The following WNT9A variants were observed in gnomAD, a reference collection of about 807,000 sequenced individuals.
The protein encoded by WNT9A is Wnt family member 9A.
In WNT9A, 8 loss-of-function variants were observed where a neutral mutation model predicts 31.4. The ratio of observed to expected loss-of-function variants is 0.26; its 90% CI spans 0.15 to 0.46. The LOEUF is 0.46. WNT9A is among the 20% of genes least tolerant of loss of function. The pLI, the probability that WNT9A is intolerant of heterozygous loss-of-function variation, is 0.99. For synonymous variants in WNT9A, 236 were observed against 220.1 expected, an observed-to-expected ratio of 1.07 and a Z score of -0.64; for missense variants, 457 against 522.9, an observed-to-expected ratio of 0.87 and a Z score of 1.23.
chr1:227,937,391 A>G lies in WNT9A; in HGVS notation c.95+10402T>C, dbSNP rs1037702101. Among the ~76,000 whole-genome samples, 16 of 152,364 alleles carry G rather than the reference A, an allele frequency of 1.1e-4. No individual in the cohort carries two copies. In the East Asian group the frequency reaches 2.5e-3, roughly 24 times the overall value. On this transcript the variant is annotated intron_variant, in intron 1 of 3. Transcript: ENST00000272164. Reference sequence around the variant, plus strand: ...TGGCAGAAACAAGTTGAAGGAGAGGATAAAGGTACTACAGTAGGTGGAATG... The same window carrying G: ...TGGCAGAAACAAGTTGAAGGAGAGGGTAAAGGTACTACAGTAGGTGGAATG...
At chr1:227,923,473 A>G (rs1392118724) in intron 3 of WNT9A, among the ~76,000 whole-genome samples, 11 of 152,196 alleles carry the variant, frequency 7.2e-5, no homozygotes, top group Admixed American at 7.2e-4. Flanking sequence ...GGTAGCATGA[A>G]GGATGACCAG....
At chr1:227,945,720 C>T (rs1018247259) in intron 1 of WNT9A, among the ~76,000 whole-genome samples, 2 of 152,034 alleles carry the variant, frequency 1.3e-5, no homozygotes, top group African/African-American at 4.8e-5. Flanking sequence ...GCCTTTAATG[C>T]CCTGGGCCAC....
At chr1:227,945,846 G>A (rs1053955766) in intron 1 of WNT9A, among the ~76,000 whole-genome samples, 1 of 152,054 alleles carries the variant, frequency 6.6e-6, no homozygotes, top group Non-Finnish European at 1.5e-5. Context: ...TGACTTACAG[G>A]GGGCCCAAGG....
rs528157169 is a variant in WNT9A at position 227,926,332 on chromosome 1, C to A, written c.96-813G>T. 1.3e-5 allele frequency among the ~76,000 whole-genome samples: 2 copies of A among 152,072 alleles called. No individual in the cohort carries two copies. Among genetic ancestry groups the A allele is most frequent in the Non-Finnish European group, 2.9e-5 (2 of 68,012 alleles). ...CCCAACCTCAACTGCTCCAGGAACC[C>A]GGCTCCACCCCACTGGGTGCCCCCT... On this transcript the variant is annotated intron_variant, in intron 1 of 3. Coordinates refer to ENST00000272164, the MANE Select transcript of WNT9A (RefSeq NM_003395.4). The surrounding 1 kb of genome is among the most constrained non-coding windows in gnomAD (Gnocchi z 5.0).
At chr1:227,941,384 G>A (rs1182668891) in intron 1 of WNT9A, among the ~76,000 whole-genome samples, 2 of 151,944 alleles carry the variant, frequency 1.3e-5, no homozygotes, top group Admixed American at 1.3e-4. Context: ...TGATCCCAGA[G>A]TTGAGCGACC....
At position 227,942,660 on chromosome 1, in the gene WNT9A, C is replaced by CT. The variant is rs1666726916; in HGVS notation, c.95+5132dup. ...ACAAGGCAGCTCCCTGGCCCCTTTCCTCCCTGCCCTTCTGGCCCTCCAGAG... is the reference window on the plus strand; with the variant it reads ...ACAAGGCAGCTCCCTGGCCCCTTTCCTTCCCTGCCCTTCTGGCCCTCCAGAG... On this transcript the variant is annotated intron_variant, in intron 1 of 3. Coordinates refer to ENST00000272164, the MANE Select transcript of WNT9A (RefSeq NM_003395.4). The surrounding 1 kb of genome is among the most constrained non-coding windows in gnomAD (Gnocchi z 5.7). 6.6e-6 allele frequency among the ~76,000 whole-genome samples: 1 copy of CT among 152,184 alleles called. No individual in the cohort carries two copies. Among genetic ancestry groups the CT allele is most frequent in the South Asian group, 2.1e-4 (1 of 4,836 alleles).
In WNT9A at chr1:227,918,714, G is replaced by A. The variant is rs1285712667; in HGVS notation, c.*2804C>T. On this transcript the variant is annotated 3_prime_UTR_variant, in exon 4 of 4. Coordinates refer to ENST00000272164, the MANE Select transcript of WNT9A (RefSeq NM_003395.4). ...TTTGTTTCTGGTTCTGTGACACAAA[G>A]CTGTTAAATAAATACATTCTCCACA... 1 of 152,264 alleles carries A rather than the reference G, an allele frequency of 6.6e-6. No individual in the cohort carries two copies. Among genetic ancestry groups the A allele is most frequent in the Non-Finnish European group, 1.5e-5 (1 of 68,064 alleles). 9.4% of individuals were successfully genotyped at this position (152,264 alleles called of 1,614,324 possible).
chr1:227,943,529 C>G (rs565750083), intron 1 of WNT9A, among the ~76,000 whole-genome samples: 58 of 152,306 alleles, frequency 3.8e-4, no homozygotes, highest in African/African-American at 1.2e-3. Context: ...CAGTCAGAGC[C>G]CCACAAGGTG....
In WNT9A at chr1:227,919,174, T is replaced by C. The variant is rs1666263392; in HGVS notation, c.*2344A>G. The C allele has an allele frequency of 1.3e-5, 2 of 152,248 alleles. No homozygotes were observed. The highest frequency in any genetic ancestry group is 4.8e-5 in the African/African-American group (2 of 41,460). 9.4% of individuals were successfully genotyped at this position (152,248 alleles called of 1,614,324 possible). A position where few individuals can be genotyped will look rare whatever the true frequency, so the allele number is the denominator to read the frequency against. On this transcript the variant is annotated 3_prime_UTR_variant, in exon 4 of 4. Coordinates refer to ENST00000272164, the MANE Select transcript of WNT9A (RefSeq NM_003395.4). ...CCTTCCTCTGACTTGACGCCCTTCA[T>C]AGACCCAATAGTGACTGAGTGACAG...
At chr1:227,929,341 A>G (rs1191816954) in intron 1 of WNT9A, among the ~76,000 whole-genome samples, 1 of 152,264 alleles carries the variant, frequency 6.6e-6, no homozygotes, top group Non-Finnish European at 1.5e-5. Context: ...GAATATCGTC[A>G]AGGACACGGG....
intron 1 of WNT9A, among the ~76,000 whole-genome samples, chr1:227,941,076 C>T (rs1329309232): frequency 6.6e-6 from 1 of 152,274 alleles, no homozygotes; most frequent in Admixed American, 6.5e-5. Flanking sequence ...CGTCCACACA[C>T]GGGAAGGTGC....
chr1:227,933,238 C>T (rs528869845), intron 1 of WNT9A, among the ~76,000 whole-genome samples: 4 of 152,314 alleles, frequency 2.6e-5, no homozygotes, highest in East Asian at 1.9e-4. Flanking sequence ...TTACAGAGAC[C>T]GCTTCTTTCC....
chr1:227,923,335 A>G (rs1666357946), intron 3 of WNT9A, among the ~76,000 whole-genome samples: 1 of 152,138 alleles, frequency 6.6e-6, no homozygotes, highest in Non-Finnish European at 1.5e-5. Flanking sequence ...TCAGCTTCCA[A>G]TAGAGGTGTC....
At chr1:227,934,630 G>A (rs1666560372) in intron 1 of WNT9A, among the ~76,000 whole-genome samples, 1 of 152,092 alleles carries the variant, frequency 6.6e-6, no homozygotes, top group African/African-American at 2.4e-5. Flanking sequence ...TTGGCCTGTA[G>A]TTCTCTCTCT....
intron 3 of WNT9A, among the ~76,000 whole-genome samples, chr1:227,922,304 G>A (rs987999607): frequency 6.6e-6 from 1 of 152,204 alleles, no homozygotes; most frequent in African/African-American, 2.4e-5. Flanking sequence ...CCTGCGTCAG[G>A]GGCTGCCCTC....
In WNT9A at chr1:227,928,418, TGA is replaced by T. The variant is rs917862354; in HGVS notation, c.96-2901_96-2900del. The stretch of plus-strand genomic sequence containing the variant: ...AGCCTAGCAGTGGCAAGGGATGGCC[TGA>T]GGCCCAAAGGCTACGCCCTTCCCTG... On this transcript the variant is annotated intron_variant, in intron 1 of 3. Transcript: ENST00000272164. The surrounding 1 kb of genome is among the most constrained non-coding windows in gnomAD (Gnocchi z 4.5). 1.3e-4 allele frequency among the ~76,000 whole-genome samples: 20 copies of T among 152,274 alleles called. No individual in the cohort carries two copies. The highest frequency in any genetic ancestry group is 2.1e-4 in the Non-Finnish European group (14 of 67,992).
chr1:227,945,927 G>T (rs1416320469), intron 1 of WNT9A, among the ~76,000 whole-genome samples: 1 of 152,176 alleles, frequency 6.6e-6, no homozygotes, highest in East Asian at 1.9e-4. Context: ...GTTCAGGAAG[G>T]TGCTCATTCT....
Position 227,925,654 on chromosome 1 carries a change from G to A in WNT9A, c.96-135C>T, listed in dbSNP as rs1211374925. ...AGGGGGCAGAAAGAATCCAGGATGA[G>A]CCAGGCAGGGGAGAGGGAGGCGAGA... On this transcript the variant is annotated intron_variant, in intron 1 of 3. Transcript: ENST00000272164. The surrounding 1 kb of genome is among the most constrained non-coding windows in gnomAD (Gnocchi z 6.0). The A allele has an allele frequency of 1.2e-5, 16 of 1,348,402 alleles. No individual in the cohort carries two copies. In the East Asian group the frequency reaches 3.9e-4, roughly 33 times the overall value. 83.5% of individuals were successfully genotyped at this position (1,348,402 alleles called of 1,614,324 possible).
intron 1 of WNT9A, among the ~76,000 whole-genome samples, chr1:227,935,955 T>C (rs1194557007): frequency 6.6e-6 from 1 of 152,156 alleles, no homozygotes; most frequent in Non-Finnish European, 1.5e-5. Context: ...TAATTGCATG[T>C]TTTACCTCCA....
Sources: gnomAD v4.1 joint callset for allele counts (sites outside exome capture counted in the v4.1 genomes callset) on GRCh38, gnomAD v4.1.1 for gene constraint, Gnocchi (gnomAD v3.1) non-coding constraint, MANE v1.5 for transcripts, NCBI Gene and HGNC (gene_info 2026-07-23, HGNC 2026-07-21) for gene names.